The following TMEM107 variants were observed in gnomAD, a reference collection of about 807,000 sequenced individuals.
The protein encoded by TMEM107 is transmembrane protein 107.
A neutral mutation model predicts 16.8 loss-of-function variants in TMEM107; 18 were observed. The ratio of observed to expected loss-of-function variants is 1.07; its 90% CI spans 0.74 to 1.59. TMEM107 has a LOEUF of 1.59. TMEM107 is among the 40% of genes most tolerant of loss of function. TMEM107 has a pLI of 0.00. For synonymous variants in TMEM107, 68 were observed against 71.6 expected (o/e 0.95, Z 0.25); for missense variants, 152 against 175.4 (o/e 0.87, Z 0.75).
Position 8,176,225 on chromosome 17 carries a change from A to G in TMEM107, c.62T>C (p.Val21Ala), listed in dbSNP as rs1984128650. 6.2e-7 allele frequency: 1 copy of G among 1,614,110 alleles called. No homozygotes were observed. The highest frequency in any genetic ancestry group is 1.7e-5 in the Admixed American group (1 of 60,018). The change falls in exon 1 of 5, where the codon GTC becomes GCC. Residue 21 changes from valine to alanine, a missense_variant. Transcript: ENST00000437139. ...RFLTLLAHLV[V>A]VITLFWSRDS... ...CCGGGACCAGAATAAGGTGATGACG[A>G]CCACCAGATGCGCCAGGAGCGTCAG...
Position 8,174,287 on chromosome 17 carries a change from G to C in TMEM107, c.354-15C>G, listed in dbSNP as rs1402180952. 6.2e-7 allele frequency: 1 copy of C among 1,611,578 alleles called. No homozygotes were observed. The highest frequency in any genetic ancestry group is 1.7e-5 in the Admixed American group (1 of 60,008). On this transcript the variant is annotated splice_polypyrimidine_tract_variant and intron_variant, in intron 4 of 4. Coordinates refer to ENST00000437139, the MANE Select transcript of TMEM107 (RefSeq NM_183065.4). ...CTGGAAGGGCACTACCAAGGCAAGT[G>C]GTAGATTCAGAAACCCTTTCAGTAT...
Position 8,172,775 on chromosome 17 carries a change from T to C in TMEM107, c.*1428A>G, listed in dbSNP as rs997663491. The stretch of plus-strand genomic sequence containing the variant: ...CTGATGCAGGAGGATCATCTGAGCC[T>C]GGGAGTTTGAGGCTGCAGTGAGCCA... On this transcript the variant is annotated 3_prime_UTR_variant, in exon 5 of 5. Transcript: ENST00000437139. 3.6e-5 allele frequency among the ~76,000 whole-genome samples: 5 copies of C among 138,438 alleles called. No individual in the cohort carries two copies. In the Admixed American group the frequency reaches 4.1e-4, roughly 11 times the overall value. 90.8% of individuals were successfully genotyped at this position (138,438 alleles called of 152,430 possible). A position where few individuals can be genotyped will look rare whatever the true frequency, so the allele number is the denominator to read the frequency against.
chr17:8,174,729 C>A, intron 3 of TMEM107, 113 bp from the exon 4 acceptor site: 2 of 913,356 alleles, frequency 2.2e-6, no homozygotes, highest in Admixed American at 1.8e-5. Flanking sequence ...TGCTCCCTCA[C>A]CATGTTTCAA....
Position 8,172,780 on chromosome 17 carries a change from G to A in TMEM107, c.*1423C>T, listed in dbSNP as rs1983632773. ...GCAGGAGGATCATCTGAGCCTGGGA[G>A]TTTGAGGCTGCAGTGAGCCATGATC... is the stretch of plus-strand genomic sequence containing the variant. On this transcript the variant is annotated 3_prime_UTR_variant, in exon 5 of 5. Transcript: ENST00000437139. Among the ~76,000 whole-genome samples, 1 of 140,166 alleles carries A rather than the reference G, an allele frequency of 7.1e-6. No individual in the cohort carries two copies. Among genetic ancestry groups the A allele is most frequent in the Admixed American group, 7.5e-5 (1 of 13,252 alleles). 92.0% of individuals were successfully genotyped at this position (140,166 alleles called of 152,430 possible). A position where few individuals can be genotyped will look rare whatever the true frequency, so the allele number is the denominator to read the frequency against.
At position 8,173,521 on chromosome 17, in the gene TMEM107, T is replaced by A. The variant is rs189731051; in HGVS notation, c.*682A>T. The stretch of plus-strand genomic sequence containing the variant: ...AGAGACGTTAATCACGTTTCATGCA[T>A]CTCCAATCATCATGTTCTAATCTGC... On this transcript the variant is annotated 3_prime_UTR_variant, in exon 5 of 5. Coordinates refer to ENST00000437139, the MANE Select transcript of TMEM107 (RefSeq NM_183065.4). 253 of 765,340 alleles carry A rather than the reference T, an allele frequency of 3.3e-4. No homozygotes were observed. The highest frequency in any genetic ancestry group is 4.7e-4 in the Admixed American group (28 of 59,024). The allele number at this position is 765,340 out of a possible 1,614,324, so 47.4% of individuals were successfully genotyped here.
rs1567550494 is a variant in TMEM107 at position 8,173,511 on chromosome 17, G to GT, written c.*691dup. The stretch of plus-strand genomic sequence containing the variant: ...CTGATTACGCAGAGACGTTAATCAC[G>GT]TTTCATGCATCTCCAATCATCATGT... On this transcript the variant is annotated 3_prime_UTR_variant, in exon 5 of 5. Transcript: ENST00000437139. 7.8e-6 allele frequency: 6 copies of GT among 765,308 alleles called. No individual in the cohort carries two copies. The highest frequency in any genetic ancestry group is 2.4e-5 in the East Asian group (1 of 41,254). The allele number at this position is 765,308 out of a possible 1,614,324, so 47.4% of individuals were successfully genotyped here.
At position 8,173,315 on chromosome 17, in the gene TMEM107, A is replaced by G. The variant is rs758915816; in HGVS notation, c.*888T>C. On this transcript the variant is annotated 3_prime_UTR_variant, in exon 5 of 5. Coordinates refer to ENST00000437139, the MANE Select transcript of TMEM107 (RefSeq NM_183065.4). ...TTTTCAAGAACAAACAAATTTAGCA[A>G]GACTGCAAAATAGACAAACAGCAAT... is the stretch of plus-strand genomic sequence containing the variant. 3.7e-6 allele frequency: 2 copies of G among 539,634 alleles called. No homozygotes were observed. The highest frequency in any genetic ancestry group is 6.7e-6 in the Non-Finnish European group (2 of 300,656). 33.4% of individuals were successfully genotyped at this position (539,634 alleles called of 1,614,324 possible). A position where few individuals can be genotyped will look rare whatever the true frequency, so the allele number is the denominator to read the frequency against.
rs186890613 is a variant in TMEM107, at chr17:8,173,470, C to G, written c.*733G>C. 22 of 764,528 alleles carry G rather than the reference C, an allele frequency of 2.9e-5. No homozygotes were observed. Among genetic ancestry groups the G allele is most frequent in the South Asian group, 4.0e-5 (3 of 74,530 alleles). The allele number at this position is 764,528 out of a possible 1,614,324, so 47.4% of individuals were successfully genotyped here. On this transcript the variant is annotated 3_prime_UTR_variant, in exon 5 of 5. Coordinates refer to ENST00000437139, the MANE Select transcript of TMEM107 (RefSeq NM_183065.4). ...TCAGAAAGAATCAGACAGGAGCAATCAGGGTGTTGCAAGTCCTGATTACGC... is the reference window on the plus strand; with the variant it reads ...TCAGAAAGAATCAGACAGGAGCAATGAGGGTGTTGCAAGTCCTGATTACGC...
At position 8,173,844 on chromosome 17, in the gene TMEM107, G is replaced by A; in HGVS notation, c.*359C>T. ...ACGCACTTTCTATTTACATATCTCC[G>A]CCCACTCCCTTCCGCCAGGCACCTA... On this transcript the variant is annotated 3_prime_UTR_variant, in exon 5 of 5. Coordinates refer to ENST00000437139, the MANE Select transcript of TMEM107 (RefSeq NM_183065.4). 2.1e-6 allele frequency: 1 copy of A among 482,818 alleles called. No individual in the cohort carries two copies. The highest frequency in any genetic ancestry group is 3.8e-5 in the Admixed American group (1 of 26,342). 29.9% of individuals were successfully genotyped at this position (482,818 alleles called of 1,614,324 possible). A position where few individuals can be genotyped will look rare whatever the true frequency, so the allele number is the denominator to read the frequency against.
rs571478989 is a variant in TMEM107 at position 8,172,889 on chromosome 17, G to T, written c.*1314C>A. ...AAAAAAAAAAAACCAAAAGAGGGGG[G>T]TGGTCAACATACCATATGCTGAAGA... On this transcript the variant is annotated 3_prime_UTR_variant, in exon 5 of 5. Transcript: ENST00000437139. 4.6e-5 allele frequency among the ~76,000 whole-genome samples: 7 copies of T among 151,300 alleles called. No homozygotes were observed. The highest frequency in any genetic ancestry group is 1.7e-4 in the African/African-American group (7 of 41,266).
rs1449946819 is a variant in TMEM107 at position 8,176,245 on chromosome 17, C to T, written c.42G>A (p.Thr14=). ...TGACGACCACCAGATGCGCCAGGAG[C>T]GTCAGGAAGCGAGAGGGCACAAGCC... ...VSGLVPSRFL[T]LLAHLVVVIT... Residue 14 remains threonine (T), a synonymous_variant, in exon 1 of 5, where the codon ACG becomes ACA. Coordinates refer to ENST00000437139, the MANE Select transcript of TMEM107 (RefSeq NM_183065.4). The T allele has an allele frequency of 2.5e-6, 4 of 1,613,974 alleles. No individual in the cohort carries two copies. Among genetic ancestry groups the T allele is most frequent in the Non-Finnish European group, 3.4e-6 (4 of 1,179,974 alleles).
chr17:8,173,493 CGCAGAGACGTTAATCACGTTTCAT>C lies in TMEM107; in HGVS notation c.*686_*709del. 1 of 765,086 alleles carries C rather than the reference CGCAGAGACGTTAATCACGTTTCAT, an allele frequency of 1.3e-6. No individual in the cohort carries two copies. The highest frequency in any genetic ancestry group is 2.4e-6 in the Non-Finnish European group (1 of 417,984). The allele number at this position is 765,086 out of a possible 1,614,324, so 47.4% of individuals were successfully genotyped here. A position where few individuals can be genotyped will look rare whatever the true frequency, so the allele number is the denominator to read the frequency against. ...ATCAGGGTGTTGCAAGTCCTGATTA[CGCAGAGACGTTAATCACGTTTCAT>C]GCATCTCCAATCATCATGTTCTAAT... is the stretch of plus-strand genomic sequence containing the variant. On this transcript the variant is annotated 3_prime_UTR_variant, in exon 5 of 5. Transcript: ENST00000437139.
chr17:8,174,345 C>G (rs572792560), intron 4 of TMEM107, 73 bp from the exon 5 acceptor site: 20 of 1,463,082 alleles, frequency 1.4e-5, no homozygotes, highest in Admixed American at 1.7e-5. Context: ...GAGACCCCAC[C>G]TCTGAAAGTG....
At position 8,173,483 on chromosome 17, in the gene TMEM107, G is replaced by A. The variant is rs141568482; in HGVS notation, c.*720C>T. ...GACAGGAGCAATCAGGGTGTTGCAA[G>A]TCCTGATTACGCAGAGACGTTAATC... On this transcript the variant is annotated 3_prime_UTR_variant, in exon 5 of 5. Coordinates refer to ENST00000437139, the MANE Select transcript of TMEM107 (RefSeq NM_183065.4). 1,101 of 764,976 alleles carry A rather than the reference G, an allele frequency of 1.4e-3. 6 individuals are homozygous for A. The highest frequency in any genetic ancestry group is 6.1e-3 in the East Asian group (251 of 41,248). 47.4% of individuals were successfully genotyped at this position (764,976 alleles called of 1,614,324 possible).
rs747108869 is a variant in TMEM107, at chr17:8,173,535, G to GTTCTAATC, written c.*660_*667dup. The GTTCTAATC allele has an allele frequency of 2.9e-5, 22 of 765,284 alleles. No individual in the cohort carries two copies. The allele number at this position is 765,284 out of a possible 1,614,324, so 47.4% of individuals were successfully genotyped here. ...CGTTTCATGCATCTCCAATCATCATGTTCTAATCTGCCCTCCGGAGGAGGA... is the reference window on the plus strand; with the variant it reads ...CGTTTCATGCATCTCCAATCATCATGTTCTAATCTTCTAATCTGCCCTCCGGAGGAGGA... On this transcript the variant is annotated 3_prime_UTR_variant, in exon 5 of 5. Coordinates refer to ENST00000437139, the MANE Select transcript of TMEM107 (RefSeq NM_183065.4).
In TMEM107 at chr17:8,173,455, T is replaced by C. The variant is rs758058586; in HGVS notation, c.*748A>G. On this transcript the variant is annotated 3_prime_UTR_variant, in exon 5 of 5. Coordinates refer to ENST00000437139, the MANE Select transcript of TMEM107 (RefSeq NM_183065.4). ...AAATGTAAGTGATCGTCAGAAAGAATCAGACAGGAGCAATCAGGGTGTTGC... is the reference window on the plus strand; with the variant it reads ...AAATGTAAGTGATCGTCAGAAAGAACCAGACAGGAGCAATCAGGGTGTTGC... The C allele has an allele frequency of 3.9e-6, 3 of 763,102 alleles. No individual in the cohort carries two copies. The highest frequency in any genetic ancestry group is 7.2e-6 in the Non-Finnish European group (3 of 417,296). The allele number at this position is 763,102 out of a possible 1,614,324, so 47.3% of individuals were successfully genotyped here. A position where few individuals can be genotyped will look rare whatever the true frequency, so the allele number is the denominator to read the frequency against.
In TMEM107 at chr17:8,173,460, C is replaced by T. The variant is rs9894790; in HGVS notation, c.*743G>A. On this transcript the variant is annotated 3_prime_UTR_variant, in exon 5 of 5. Coordinates refer to ENST00000437139, the MANE Select transcript of TMEM107 (RefSeq NM_183065.4). ...TAAGTGATCGTCAGAAAGAATCAGA[C>T]AGGAGCAATCAGGGTGTTGCAAGTC... 0.67 allele frequency: 512,094 copies of T among 762,934 alleles called. 173,740 individuals are homozygous for T. Among genetic ancestry groups the T allele is most frequent in the Admixed American group, 0.72 (42,157 of 58,854 alleles). 47.3% of individuals were successfully genotyped at this position (762,934 alleles called of 1,614,324 possible).
Position 8,172,849 on chromosome 17 carries a change from C to A in TMEM107, c.*1354G>T, listed in dbSNP as rs1253111432. On this transcript the variant is annotated 3_prime_UTR_variant, in exon 5 of 5. Transcript: ENST00000437139. The stretch of plus-strand genomic sequence containing the variant: ...CTCTAGCCTGGGCAACAGAGTGAGA[C>A]TGTCTCAAAAAAAAAAAAAAAAAAA... Among the ~76,000 whole-genome samples, 4 of 91,716 alleles carry A rather than the reference C, an allele frequency of 4.4e-5. No individual in the cohort carries two copies. The highest frequency in any genetic ancestry group is 7.5e-5 in the Non-Finnish European group (4 of 53,000). 60.2% of individuals were successfully genotyped at this position (91,716 alleles called of 152,430 possible).
intron 3 of TMEM107, 185 bp downstream of exon 3, chr17:8,175,572 C>A: frequency 2.9e-6 from 2 of 698,592 alleles, no homozygotes; most frequent in Admixed American, 2.1e-5. Flanking sequence ...ACATGCCTGG[C>A]CAAAAACTGT....
Sources: allele counts gnomAD v4.1 joint callset (sites outside exome capture counted in the v4.1 genomes callset), GRCh38; gene constraint gnomAD v4.1.1; transcripts MANE v1.5; gene names NCBI Gene and HGNC (gene_info 2026-07-23, HGNC 2026-07-21).